ZNF407: variants seen among roughly 807,000 people sequenced by gnomAD.
The protein encoded by ZNF407 is zinc finger protein 407.
In ZNF407, 17 loss-of-function variants were observed where a neutral mutation model predicts 131.2. The ratio of observed to expected loss-of-function variants is 0.13; its 90% CI spans 0.09 to 0.19. The LOEUF is 0.19. ZNF407 is among the 10% of genes least tolerant of loss of function. The pLI, the probability that ZNF407 is intolerant of heterozygous loss-of-function variation, is 1.00. For missense variants in ZNF407, 2,681 were observed against 2,830.6 expected (o/e 0.95, Z 1.20); for synonymous variants, 1,156 against 1,062.0 (o/e 1.09, Z -1.72).
intron 4 of ZNF407, among the ~76,000 whole-genome samples, chr18:74,852,191 A>ACG (rs1555694772): frequency 4.0e-5 from 3 of 74,268 alleles, no homozygotes; most frequent in Admixed American, 1.3e-4. Flanking sequence ...ACACACACAC[A>ACG]CACACACGCA....
chr18:74,701,145 C>T (rs1967484195), intron 3 of ZNF407, among the ~76,000 whole-genome samples: 1 of 152,098 alleles, frequency 6.6e-6, no homozygotes, highest in Non-Finnish European at 1.5e-5. Flanking sequence ...TGAAGGCTCG[C>T]CCAGGCTTGC....
intron 3 of ZNF407, among the ~76,000 whole-genome samples, chr18:74,725,422 T>A (rs931044876): frequency 6.6e-6 from 1 of 152,238 alleles, no homozygotes; most frequent in Non-Finnish European, 1.5e-5. Context: ...TTAAAAAAAA[T>A]TAAAAACTAT....
At chr18:74,665,550 T>C (rs1311767708) in intron 3 of ZNF407, among the ~76,000 whole-genome samples, 2 of 152,206 alleles carry the variant, frequency 1.3e-5, no homozygotes, top group African/African-American at 4.8e-5. Flanking sequence ...TTTTGGCTGG[T>C]CACATTGCGC....
chr18:74,925,391 A>T (rs994060685), intron 8 of ZNF407, among the ~76,000 whole-genome samples: 1 of 152,238 alleles, frequency 6.6e-6, no homozygotes, highest in African/African-American at 2.4e-5. Context: ...AGAATTTGAA[A>T]GTTTGACTCT....
intron 3 of ZNF407, among the ~76,000 whole-genome samples, chr18:74,778,072 A>T (rs1318554826): frequency 6.6e-6 from 1 of 152,184 alleles, no homozygotes; most frequent in Non-Finnish European, 1.5e-5. Context: ...AAGTTGGACA[A>T]GTCACTCCTC....
intron 4 of ZNF407, among the ~76,000 whole-genome samples, chr18:74,869,578 G>C (rs1971058870): frequency 6.6e-6 from 1 of 152,182 alleles, no homozygotes; most frequent in South Asian, 2.1e-4. Context: ...GGGCTTAATG[G>C]ACCTTTGTGT....
chr18:74,791,615 C>G (rs1207474701), intron 4 of ZNF407, among the ~76,000 whole-genome samples: 1 of 152,184 alleles, frequency 6.6e-6, no homozygotes, highest in Admixed American at 6.5e-5. Context: ...TCTTCTAGGC[C>G]AGGGTCAGTG....
rs1243471773 is a variant in ZNF407 at position 74,634,879 on chromosome 18, G to A, written c.3860G>A (p.Arg1287His). 1.3e-5 allele frequency: 21 copies of A among 1,613,482 alleles called. No homozygotes were observed. Among genetic ancestry groups the A allele is most frequent in the Non-Finnish European group, 1.6e-5 (19 of 1,179,674 alleles). Reference sequence around the variant, plus strand: ...AGCGGGGGTCAGAACAGAGTTGCACGTGGGCATGGTTTGGAAGACTTGAAA... The same window carrying A: ...AGCGGGGGTCAGAACAGAGTTGCACATGGGCATGGTTTGGAAGACTTGAAA... Reference protein sequence around the residue: ...LESGGQNRVARGHGLEDLKGV... With the variant: ...LESGGQNRVAHGHGLEDLKGV... Residue 1287 changes from arginine (R) to histidine (H), a missense_variant, in exon 2 of 9, where the codon CGT (arginine) becomes CAT (histidine). By Grantham distance (29) the Arg-to-His change is conservative. This residue lies in a region of ZNF407 where 1,789 missense variants were observed against 1,748.7 expected (regional missense o/e 1.02). Transcript: ENST00000299687.
At chr18:74,925,088 T>A (rs563441320) in intron 8 of ZNF407, among the ~76,000 whole-genome samples, 4 of 152,342 alleles carry the variant, frequency 2.6e-5, no homozygotes, top group South Asian at 4.1e-4. Flanking sequence ...AATTGAGCAG[T>A]ATGTAATGAT....
intron 8 of ZNF407, among the ~76,000 whole-genome samples, chr18:74,990,983 A>G (rs1323658593): frequency 1.3e-5 from 2 of 152,318 alleles, no homozygotes; most frequent in East Asian, 3.9e-4. Flanking sequence ...CTGCCATTCA[A>G]CAAAGATGGA....
chr18:74,961,078 C>T (rs946108788), intron 8 of ZNF407, among the ~76,000 whole-genome samples: 6 of 150,332 alleles, frequency 4.0e-5, no homozygotes, highest in African/African-American at 1.5e-4. Flanking sequence ...AGGAGAAGGT[C>T]CTGAGCGAGG....
chr18:75,043,909 G>C (rs1017246265), intron 8 of ZNF407, among the ~76,000 whole-genome samples: 3 of 152,210 alleles, frequency 2.0e-5, no homozygotes, highest in African/African-American at 7.2e-5. Context: ...GATAATCAAT[G>C]ATAGAGTTTT....
intron 3 of ZNF407, among the ~76,000 whole-genome samples, chr18:74,748,094 G>A (rs1014697960): frequency 6.6e-6 from 1 of 152,036 alleles, no homozygotes; most frequent in Non-Finnish European, 1.5e-5. Flanking sequence ...AATGTGCTTA[G>A]TATGTTTGTA....
intron 3 of ZNF407, among the ~76,000 whole-genome samples, chr18:74,749,715 A>G (rs372225623): frequency 3.3e-4 from 51 of 152,318 alleles, no homozygotes; most frequent in African/African-American, 1.0e-3. Context: ...TAAAAATAAT[A>G]TATGTGTCTG....
At chr18:74,813,842 T>TATATC in intron 4 of ZNF407, among the ~76,000 whole-genome samples, 1 of 152,266 alleles carries the variant, frequency 6.6e-6, no homozygotes, top group East Asian at 1.9e-4. Flanking sequence ...GTTTGCAGGA[T>TATATC]CTATATATCC....
intron 4 of ZNF407, among the ~76,000 whole-genome samples, chr18:74,829,683 A>C (rs557526426): frequency 3.0e-4 from 45 of 152,300 alleles, no homozygotes; most frequent in African/African-American, 1.0e-3. Flanking sequence ...ACACTCTGGA[A>C]TGATAATTAT....
chr18:74,914,010 C>A lies in ZNF407; in HGVS notation c.5250-6504C>A, dbSNP rs540731215. On this transcript the variant is annotated intron_variant, in intron 7 of 8. Transcript: ENST00000299687. ...AATCAGTCACCCCGTGCTTTAAATT[C>A]TGTACGTCAAAGCTGCTCAAGACTT... 4.3e-4 allele frequency among the ~76,000 whole-genome samples: 65 copies of A among 152,334 alleles called. No individual in the cohort carries two copies. The South Asian group carries it at 4.8e-3, about 11-fold the overall frequency.
intron 1 of ZNF407, among the ~76,000 whole-genome samples, chr18:74,614,715 T>C (rs778337568): frequency 2.6e-5 from 4 of 152,212 alleles, no homozygotes; most frequent in Admixed American, 6.5e-5. Context: ...TTTTGATGAT[T>C]AGCTAGATTT....
At chr18:74,656,385 T>G (rs919738170) in intron 3 of ZNF407, among the ~76,000 whole-genome samples, 23 of 152,112 alleles carry the variant, frequency 1.5e-4, no homozygotes, top group African/African-American at 5.6e-4. Context: ...TTATACACAT[T>G]AAAAGAAAAT....
Sources: allele counts gnomAD v4.1 joint callset (sites outside exome capture counted in the v4.1 genomes callset), GRCh38; gene constraint gnomAD v4.1.1; regional missense constraint gnomAD v4.1.1; transcripts MANE v1.5; gene names NCBI Gene and HGNC (gene_info 2026-07-23, HGNC 2026-07-21).